Variants in AK2 observed in about 807,000 individuals in gnomAD.
AK2 encodes adenylate kinase 2.
Under a neutral mutation model 24.6 loss-of-function variants are expected in AK2, and 15 were observed. That is an observed-to-expected ratio of 0.61 (90% CI 0.41 to 0.94). AK2 has a LOEUF of 0.94. Ranked by LOEUF, AK2 falls within the 40% of genes least tolerant of loss-of-function variation. The pLI is 0.00. For missense variants in AK2, 257 were observed against 304.1 expected (o/e 0.85, Z 1.15); for synonymous variants, 102 against 114.0 (o/e 0.90, Z 0.67).
At chr1:33,021,808 A>G (rs1408857053) in intron 2 of AK2, 105 bp from the exon 3 acceptor site, 4 of 843,014 alleles carry the variant, frequency 4.7e-6, no homozygotes, top group Non-Finnish European at 6.0e-6. Context: ...CCTTATTACT[A>G]AACAGCAAGT....
At chr1:33,034,652 G>A (rs114193217) in intron 1 of AK2, among the ~76,000 whole-genome samples, 2,536 of 152,190 alleles carry the variant, frequency 0.017, 63 homozygotes, top group African/African-American at 0.058. Context: ...ACTGAGGCTC[G>A]GAAGTTACAT....
At chr1:33,022,363 T>C (rs952327712) in intron 2 of AK2, among the ~76,000 whole-genome samples, 2 of 148,568 alleles carry the variant, frequency 1.3e-5, no homozygotes, top group African/African-American at 5.0e-5. Context: ...TTTTTTTTTT[T>C]TTTTTTTTTT....
At chr1:33,034,837 C>T (rs1045220665) in intron 1 of AK2, among the ~76,000 whole-genome samples, 1 of 151,938 alleles carries the variant, frequency 6.6e-6, no homozygotes, top group Non-Finnish European at 1.5e-5. Flanking sequence ...TCGCCTGTGT[C>T]CAGGAGTTCA....
At chr1:33,021,518 T>C in intron 3 of AK2, 57 bp from the exon 4 acceptor site, 1 of 1,605,958 alleles carries the variant, frequency 6.2e-7, no homozygotes, top group Non-Finnish European at 8.5e-7. Flanking sequence ...ACCCATCTCC[T>C]TCAAAGGAAT....
chr1:33,013,551 C>A lies in AK2; in HGVS notation c.499-149G>T, dbSNP rs908735173. ...AGAGACAAAGACAGGCAATCCAGAC[C>A]CTCTCCAGTGAAGAACTTTGCTACT... On this transcript the variant is annotated intron_variant, in intron 5 of 5. Transcript: ENST00000672715. 1.5e-5 allele frequency: 22 copies of A among 1,430,932 alleles called. No homozygotes were observed. The South Asian group carries it at 2.7e-4, about 17-fold the overall frequency. The allele number at this position is 1,430,932 out of a possible 1,614,324, so 88.6% of individuals were successfully genotyped here. A position where few individuals can be genotyped will look rare whatever the true frequency, so the allele number is the denominator to read the frequency against.
chr1:33,014,461 GA>G, intron 5 of AK2, 60 bp downstream of exon 5: 1 of 1,333,486 alleles, frequency 7.5e-7, no homozygotes, highest in Non-Finnish European at 1.1e-6. Flanking sequence ...AAAGGAAAAA[GA>G]AAAACAGTGA....
intron 4 of AK2, among the ~76,000 whole-genome samples, chr1:33,016,512 ATTTAT>A (rs1048406995): frequency 4.0e-5 from 6 of 151,548 alleles, no homozygotes; most frequent in African/African-American, 7.3e-5. Context: ...CGCCTGGTCT[ATTTAT>A]TTTATTTTTT....
At chr1:33,020,134 A>C (rs1333514083) in intron 4 of AK2, 6 of 1,535,280 alleles carry the variant, frequency 3.9e-6, no homozygotes, top group Non-Finnish European at 5.2e-6. Context: ...AAACGTGTCC[A>C]GAAGCAGAGG....
At chr1:33,033,627 C>T (rs1435913750) in intron 1 of AK2, among the ~76,000 whole-genome samples, 1 of 152,060 alleles carries the variant, frequency 6.6e-6, no homozygotes, top group Admixed American at 6.6e-5. Flanking sequence ...TATCTTTTAG[C>T]AATACATACT....
At chr1:33,021,333 G>C (rs1639538130) in intron 4 of AK2, 34 bp downstream of exon 4, 1 of 1,573,280 alleles carries the variant, frequency 6.4e-7, no homozygotes, top group Non-Finnish European at 8.7e-7. Flanking sequence ...AAAGCTCTGA[G>C]AAGCATGAAA....
intron 1 of AK2, among the ~76,000 whole-genome samples, chr1:33,035,976 TA>T (rs149638780): frequency 0.047 from 7,157 of 151,220 alleles, 431 homozygotes; most frequent in African/African-American, 0.14. Flanking sequence ...AAAAACAAAA[TA>T]AAAAAAAATT....
intron 1 of AK2, among the ~76,000 whole-genome samples, chr1:33,025,187 T>TAAAA (rs1309023766): frequency 4.2e-5 from 2 of 48,178 alleles, no homozygotes; most frequent in Admixed American, 3.7e-4. Flanking sequence ...AGACTTCGTC[T>TAAAA]CAAAAAAAAA....
At chr1:33,033,857 C>T (rs911936022) in intron 1 of AK2, among the ~76,000 whole-genome samples, 2 of 152,032 alleles carry the variant, frequency 1.3e-5, no homozygotes, top group Admixed American at 6.6e-5. Context: ...TGTAGGCTAC[C>T]ATTTGTAAAG....
intron 4 of AK2, chr1:33,019,899 G>T: frequency 7.2e-7 from 1 of 1,382,948 alleles, no homozygotes; most frequent in Non-Finnish European, 9.3e-7. Flanking sequence ...AAAAGTAATG[G>T]TCATGGATGT....
Position 33,011,325 on chromosome 1 carries a change from C to G in AK2, c.*1856G>C, listed in dbSNP as rs1026304549. The G allele has an allele frequency of 1.6e-6, 2 of 1,288,724 alleles. No homozygotes were observed. The highest frequency in any genetic ancestry group is 4.6e-5 in the Admixed American group (2 of 43,604). 79.8% of individuals were successfully genotyped at this position (1,288,724 alleles called of 1,614,324 possible). On this transcript the variant is annotated 3_prime_UTR_variant, in exon 6 of 6. Coordinates refer to ENST00000672715, the MANE Select transcript of AK2 (RefSeq NM_001625.4). The stretch of plus-strand genomic sequence containing the variant: ...GTTTTTGTTTCACTCCTCTTCCTTG[C>G]CCATTCCCAGAAGTCATGTGCTTCC...
intron 1 of AK2, among the ~76,000 whole-genome samples, chr1:33,028,595 G>A (rs1640049394): frequency 6.6e-6 from 1 of 152,104 alleles, no homozygotes. Context: ...ATGAGTGGCT[G>A]GGCTCTAAAC....
rs1638934637 is a variant in AK2 at position 33,013,084 on chromosome 1, T to C, written c.*97A>G. 2.5e-6 allele frequency: 4 copies of C among 1,609,948 alleles called. No individual in the cohort carries two copies. Among genetic ancestry groups the C allele is most frequent in the Admixed American group, 1.7e-5 (1 of 60,016 alleles). On this transcript the variant is annotated 3_prime_UTR_variant, in exon 6 of 6. Coordinates refer to ENST00000672715, the MANE Select transcript of AK2 (RefSeq NM_001625.4). ...CTTTTTTAATCAATACATCAAATGA[T>C]ATTTTTGCTAGCCTGAGGAAGCTTC...
intron 4 of AK2, chr1:33,019,666 G>T (rs776170089): frequency 4.0e-6 from 4 of 1,011,082 alleles, no homozygotes; most frequent in African/African-American, 3.5e-5. Context: ...CTTCTTGAAG[G>T]TATGGACTAC....
chr1:33,013,756 A>G (rs1293502852), intron 5 of AK2, among the ~76,000 whole-genome samples: 1 of 152,228 alleles, frequency 6.6e-6, no homozygotes, highest in Non-Finnish European at 1.5e-5. Context: ...AAGGCCCCTA[A>G]GACCAGAATA....
Sources: allele counts gnomAD v4.1 joint callset (sites outside exome capture counted in the v4.1 genomes callset), GRCh38; gene constraint gnomAD v4.1.1; transcripts MANE v1.5; gene names NCBI Gene and HGNC (gene_info 2026-07-23, HGNC 2026-07-21).